ATM: variants seen among roughly 807,000 people sequenced by gnomAD.
The protein encoded by ATM is serine-protein kinase ATM.
ATM carries 308 observed loss-of-function variants against 387.0 expected under a neutral mutation model. That is an observed-to-expected ratio of 0.80 (90% CI 0.73 to 0.87). ATM has a LOEUF of 0.87. Among genes scored for constraint, ATM ranks in the 40% least tolerant of loss-of-function variants. ATM has a pLI of 0.00. For missense variants in ATM, 3,312 were observed against 3,560.9 expected, an observed-to-expected ratio of 0.93 and a Z score of 1.78; for synonymous variants, 1,156 against 1,187.3, an observed-to-expected ratio of 0.97 and a Z score of 0.54.
At chr11:108,315,409 G>A (rs1389714420) in intron 40 of ATM, among the ~76,000 whole-genome samples, 1 of 152,074 alleles carries the variant, frequency 6.6e-6, no homozygotes. Flanking sequence ...ATAGATTTGT[G>A]TATATTTTAT....
intron 53 of ATM, 147 bp from the exon 54 acceptor site, chr11:108,333,739 C>T (rs1286822699): frequency 1.3e-6 from 1 of 742,370 alleles, no homozygotes; most frequent in African/African-American, 1.7e-5. Context: ...GCATAGTGGC[C>T]AAAGCCCAGA....
At chr11:108,285,698 A>T (rs1291333216) in intron 26 of ATM, among the ~76,000 whole-genome samples, 1 of 152,082 alleles carries the variant, frequency 6.6e-6, no homozygotes, top group Non-Finnish European at 1.5e-5. Context: ...CCTATTCAGA[A>T]CTGGTTGTAA....
chr11:108,323,224 A>G (rs2136276101), intron 45 of ATM, among the ~76,000 whole-genome samples: 1 of 152,360 alleles, frequency 6.6e-6, no homozygotes, highest in African/African-American at 2.4e-5. Flanking sequence ...AATGTGGCTT[A>G]GGAGGAAAAT....
chr11:108,293,622 A>G, intron 31 of ATM, 145 bp downstream of exon 31: 1 of 746,334 alleles, frequency 1.3e-6, no homozygotes, highest in Non-Finnish European at 2.1e-6. Context: ...ACATTGGCTC[A>G]TGCCTATAAT....
At chr11:108,287,807 T>G (rs2082573457) in intron 27 of ATM, 92 bp downstream of exon 27, 1 of 880,312 alleles carries the variant, frequency 1.1e-6, no homozygotes, top group Non-Finnish European at 1.8e-6. Flanking sequence ...TATTTCAATT[T>G]ATAGACATCA....
chr11:108,255,708 G>C (rs1443256958), intron 13 of ATM, among the ~76,000 whole-genome samples: 1 of 152,176 alleles, frequency 6.6e-6, no homozygotes, highest in Non-Finnish European at 1.5e-5. Flanking sequence ...TTGTAGGCGT[G>C]AGCCACCATG....
At chr11:108,238,166 AT>A (rs1244910363) in intron 5 of ATM, among the ~76,000 whole-genome samples, 2 of 152,028 alleles carry the variant, frequency 1.3e-5, no homozygotes, top group Non-Finnish European at 2.9e-5. Context: ...ACCTCAGGTG[AT>A]CCACCTGCCT....
At chr11:108,260,115 GC>G (rs2080774115) in intron 16 of ATM, among the ~76,000 whole-genome samples, 1 of 145,612 alleles carries the variant, frequency 6.9e-6, no homozygotes, top group African/African-American at 2.5e-5. Context: ...GCTCACTGCA[GC>G]CCCCACCTCC....
chr11:108,280,922 C>G (rs551178827), intron 23 of ATM, 73 bp from the exon 24 acceptor site: 6 of 1,382,498 alleles, frequency 4.3e-6, no homozygotes, highest in Admixed American at 1.9e-5. Context: ...ATCTGGAGTT[C>G]AGTTGGGATT....
intron 18 of ATM, among the ~76,000 whole-genome samples, chr11:108,270,841 G>T (rs1347578689): frequency 6.6e-6 from 1 of 151,872 alleles, no homozygotes; most frequent in African/African-American, 2.4e-5. Context: ...GATTATAGGC[G>T]CCTGCCACCA....
At chr11:108,225,029 G>C (rs1357846133) in intron 1 of ATM, 1 of 152,176 alleles carries the variant, frequency 6.6e-6, no homozygotes, top group African/African-American at 2.4e-5. Context: ...AGAAAAACAA[G>C]TTCAAGGAAG....
chr11:108,261,361 C>T (rs1052690761), intron 16 of ATM, among the ~76,000 whole-genome samples: 1 of 152,240 alleles, frequency 6.6e-6, no homozygotes, highest in Non-Finnish European at 1.5e-5. Context: ...AGGCACCCCC[C>T]AGCAGGGGCA....
chr11:108,358,463 T>A (rs1468618169), intron 61 of ATM, among the ~76,000 whole-genome samples: 1 of 151,024 alleles, frequency 6.6e-6, no homozygotes, highest in South Asian at 2.1e-4. Context: ...AGATACTCTT[T>A]GAGAAGAGCA....
chr11:108,312,342 A>T, intron 39 of ATM, 69 bp from the exon 40 acceptor site: 1 of 1,166,570 alleles, frequency 8.6e-7, no homozygotes, highest in Non-Finnish European at 1.3e-6. Flanking sequence ...GTCAAAGTCT[A>T]TAGTATATGT....
intron 5 of ATM, among the ~76,000 whole-genome samples, chr11:108,243,115 G>C (rs1350264710): frequency 2.6e-5 from 4 of 151,984 alleles, no homozygotes; most frequent in Admixed American, 1.3e-4. Context: ...CTACTTGGGA[G>C]GCTAAGGTGG....
chr11:108,346,124 C>G (rs2088354313), intron 58 of ATM, among the ~76,000 whole-genome samples: 1 of 152,026 alleles, frequency 6.6e-6, no homozygotes, highest in South Asian at 2.1e-4. Flanking sequence ...AGAGAATTCT[C>G]CTACTTCAAT....
intron 33 of ATM, among the ~76,000 whole-genome samples, chr11:108,299,305 TTCTC>T (rs201402781): frequency 0.022 from 3,166 of 142,336 alleles, 66 homozygotes; most frequent in African/African-American, 0.068. Flanking sequence ...TTAAGGTTGA[TTCTC>T]TCTCTCTTTT....
rs372013651 is a variant in ATM at position 108,356,284 on chromosome 11, C to A, written c.8850+1410C>A. Among the ~76,000 whole-genome samples, 6 of 152,074 alleles carry A rather than the reference C, an allele frequency of 3.9e-5. No homozygotes were observed. In the East Asian group the frequency reaches 1.2e-3, roughly 29 times the overall value. On this transcript the variant is annotated intron_variant, in intron 61 of 62. Coordinates refer to ENST00000675843, the MANE Select transcript of ATM (RefSeq NM_000051.4). ...GGCGCGGTGGCTCATGCCTGTAATC[C>A]CAGCACTTTGAGAGGCCGAGACAGG...
At chr11:108,273,980 C>T (rs1373284579) in intron 22 of ATM, among the ~76,000 whole-genome samples, 3 of 152,094 alleles carry the variant, frequency 2.0e-5, no homozygotes, top group South Asian at 2.1e-4. Flanking sequence ...TGGTAGAATT[C>T]GGCTGTGAAT....
Sources: gnomAD v4.1 joint callset for allele counts (sites outside exome capture counted in the v4.1 genomes callset) on GRCh38, gnomAD v4.1.1 for gene constraint, MANE v1.5 for transcripts, NCBI Gene and HGNC (gene_info 2026-07-23, HGNC 2026-07-21) for gene names.